SMYD3: variants seen among roughly 807,000 people sequenced by gnomAD.
SMYD3 encodes SET and MYND domain containing 3.
A neutral mutation model predicts 57.7 loss-of-function variants in SMYD3; 36 were observed. That is an observed-to-expected ratio of 0.62 (90% confidence interval 0.48 to 0.82). The LOEUF (loss-of-function observed/expected upper bound fraction) is 0.82. Ranked by LOEUF, SMYD3 falls within the 40% of genes least tolerant of loss-of-function variation. The pLI is 0.00. For missense variants in SMYD3, 515 were observed against 538.8 expected, an observed-to-expected ratio of 0.96 and a Z score of 0.44; for synonymous variants, 211 against 195.0, an observed-to-expected ratio of 1.08 and a Z score of -0.68.
chr1:246,210,962 G>C (rs1183391215), intron 5 of SMYD3, among the ~76,000 whole-genome samples: 1 of 152,116 alleles, frequency 6.6e-6, no homozygotes, highest in Non-Finnish European at 1.5e-5. Context: ...ACTGTCCCAG[G>C]CGCGTCTGCT....
rs2788003 is a variant in SMYD3 at position 246,072,120 on chromosome 1, G to C, written c.532-142183C>G. The stretch of plus-strand genomic sequence containing the variant: ...CCGCTGTGCTCACTGTGGATGCATC[G>C]TGTTAGTTCTGGGGAGGGATTCGTG... On this transcript the variant is annotated intron_variant, in intron 5 of 11. Transcript: ENST00000490107. 4.1e-4 allele frequency among the ~76,000 whole-genome samples: 17 copies of C among 41,300 alleles called. 1 individual carries two copies. The highest frequency in any genetic ancestry group is 3.4e-3 in the East Asian group (2 of 584). The allele number at this position is 41,300 out of a possible 152,430, so 27.1% of individuals were successfully genotyped here. A position where few individuals can be genotyped will look rare whatever the true frequency, so the allele number is the denominator to read the frequency against.
At position 246,439,534 on chromosome 1, in the gene SMYD3, G is replaced by T. The variant is rs908395250; in HGVS notation, c.164+67520C>A. Reference sequence around the variant, plus strand: ...ATTATCACCTTTGGTAACCCTCAAAGTATTTTAGCATGGGGCCTGTTTCTT... The same window carrying T: ...ATTATCACCTTTGGTAACCCTCAAATTATTTTAGCATGGGGCCTGTTTCTT... On this transcript the variant is annotated intron_variant, in intron 1 of 11. Transcript: ENST00000490107. Among the ~76,000 whole-genome samples the T allele has an allele frequency of 3.9e-5, 6 of 152,110 alleles. No individual in the cohort carries two copies. In the East Asian group the frequency reaches 1.2e-3, roughly 29 times the overall value.
At chr1:246,005,337 C>A (rs1005469144) in intron 5 of SMYD3, among the ~76,000 whole-genome samples, 2 of 152,192 alleles carry the variant, frequency 1.3e-5, no homozygotes, top group Non-Finnish European at 2.9e-5. Context: ...GCAAAGCAAA[C>A]GCTTACAGCT....
chr1:246,324,454 A>G lies in SMYD3; in HGVS notation c.531+2747T>C, dbSNP rs867336645. ...AAAAAAAAAAGATGGGCTAAAACATAAGCTTAGTATGTCTATTATCTGCAC... is the reference window on the plus strand; with the variant it reads ...AAAAAAAAAAGATGGGCTAAAACATGAGCTTAGTATGTCTATTATCTGCAC... On this transcript the variant is annotated intron_variant, in intron 5 of 11. Transcript: ENST00000490107. Among the ~76,000 whole-genome samples the G allele has an allele frequency of 1.3e-4, 19 of 151,802 alleles. No homozygotes were observed. In the South Asian group the frequency reaches 1.5e-3, roughly 12 times the overall value.
chr1:246,287,148 A>G (rs2148585772), intron 5 of SMYD3, among the ~76,000 whole-genome samples: 1 of 152,344 alleles, frequency 6.6e-6, no homozygotes, highest in African/African-American at 2.4e-5. Flanking sequence ...CAAGGATTAT[A>G]GGCGTGAGCC....
At chr1:246,034,222 G>A (rs2059730116) in intron 5 of SMYD3, among the ~76,000 whole-genome samples, 1 of 152,168 alleles carries the variant, frequency 6.6e-6, no homozygotes, top group African/African-American at 2.4e-5. Flanking sequence ...GAAAGGGTCT[G>A]ATCATAACAT....
At chr1:246,314,172 G>A (rs1328071162) in intron 5 of SMYD3, among the ~76,000 whole-genome samples, 6 of 152,124 alleles carry the variant, frequency 3.9e-5, no homozygotes, top group African/African-American at 1.4e-4. Context: ...GATAAAAATA[G>A]CAGAAATCCT....
intron 5 of SMYD3, among the ~76,000 whole-genome samples, chr1:246,171,646 T>C (rs949274538): frequency 2.6e-5 from 4 of 152,206 alleles, no homozygotes; most frequent in East Asian, 1.9e-4. Flanking sequence ...CTGAATACTA[T>C]AGGCAGTTGT....
At chr1:245,826,937 A>T (rs2148365282) in intron 10 of SMYD3, among the ~76,000 whole-genome samples, 1 of 152,260 alleles carries the variant, frequency 6.6e-6, no homozygotes, top group South Asian at 2.1e-4. Flanking sequence ...TCCTTGACAC[A>T]TGGGGATTAT....
chr1:246,064,077 A>G (rs2060300893), intron 5 of SMYD3, among the ~76,000 whole-genome samples: 1 of 152,046 alleles, frequency 6.6e-6, no homozygotes, highest in South Asian at 2.1e-4. Context: ...AATCCTGTCA[A>G]TTTTGCTCCT....
In SMYD3 at chr1:246,448,719, A is replaced by T. The variant is rs950623425; in HGVS notation, c.164+58335T>A. Among the ~76,000 whole-genome samples the T allele has an allele frequency of 1.2e-3, 177 of 150,972 alleles. 1 individual carries two copies. Among genetic ancestry groups the T allele is most frequent in the Non-Finnish European group, 2.0e-3 (134 of 67,682 alleles). ...CTCTTTTTTTTAAAAAAAAAAAAAA[A>T]AAAAAAAAAGGACAAAATGGCCAGG... On this transcript the variant is annotated intron_variant, in intron 1 of 11. Coordinates refer to ENST00000490107, the MANE Select transcript of SMYD3 (RefSeq NM_001167740.2).
chr1:246,390,001 G>C (rs543712823), intron 1 of SMYD3, among the ~76,000 whole-genome samples: 1 of 152,086 alleles, frequency 6.6e-6, no homozygotes, highest in Non-Finnish European at 1.5e-5. Flanking sequence ...GATCTGCTGC[G>C]GGATGGGGGG....
intron 5 of SMYD3, among the ~76,000 whole-genome samples, chr1:246,214,233 C>A (rs891611635): frequency 6.6e-6 from 1 of 151,994 alleles, no homozygotes; most frequent in South Asian, 2.1e-4. Flanking sequence ...ATTTCACATC[C>A]CAGGTCACAA....
chr1:246,029,545 G>A (rs568746157), intron 5 of SMYD3, among the ~76,000 whole-genome samples: 4 of 151,596 alleles, frequency 2.6e-5, no homozygotes, highest in Admixed American at 6.6e-5. Flanking sequence ...GGTGACACAC[G>A]CCTGTAATCC....
intron 5 of SMYD3, among the ~76,000 whole-genome samples, chr1:246,070,589 G>C (rs747306462): frequency 6.6e-6 from 1 of 152,146 alleles, no homozygotes; most frequent in Non-Finnish European, 1.5e-5. Context: ...CCCAAGAGGA[G>C]TCCTCCTCAC....
chr1:245,999,907 T>A (rs1422243498), intron 5 of SMYD3, among the ~76,000 whole-genome samples: 6 of 152,226 alleles, frequency 3.9e-5, no homozygotes. Context: ...TTAGCGAGTA[T>A]GTAATGAGTA....
chr1:246,350,580 A>T (rs2065806574), intron 2 of SMYD3, among the ~76,000 whole-genome samples: 1 of 152,176 alleles, frequency 6.6e-6, no homozygotes, highest in Admixed American at 6.5e-5. Flanking sequence ...GGCAACTCAG[A>T]CTGCTGGGTG....
intron 5 of SMYD3, among the ~76,000 whole-genome samples, chr1:245,952,462 T>C (rs1431406581): frequency 1.3e-5 from 2 of 152,172 alleles, no homozygotes; most frequent in African/African-American, 4.8e-5. Context: ...GACGTTTTTA[T>C]GGCTGCTTGA....
At chr1:246,052,084 A>C (rs1356851000) in intron 5 of SMYD3, among the ~76,000 whole-genome samples, 1 of 152,248 alleles carries the variant, frequency 6.6e-6, no homozygotes, top group East Asian at 1.9e-4. Context: ...ACTGCAACAT[A>C]AAACGGCTGC....
Sources: allele counts gnomAD v4.1 joint callset (sites outside exome capture counted in the v4.1 genomes callset), GRCh38; gene constraint gnomAD v4.1.1; transcripts MANE v1.5; gene names NCBI Gene and HGNC (gene_info 2026-07-23, HGNC 2026-07-21).